HEG1: variants seen among roughly 807,000 people sequenced by gnomAD.
HEG1 encodes the protein heart development protein with EGF like domains 1.
In HEG1, 56 loss-of-function variants were observed where a neutral mutation model predicts 125.6. The observed-to-expected ratio is 0.45, with a 90% CI of 0.36 to 0.56. The LOEUF is 0.56. HEG1 is among the 20% of genes least tolerant of loss of function. HEG1 has a pLI of 0.00. For synonymous variants in HEG1, 644 were observed against 668.5 expected (o/e 0.96, Z 0.57); for missense variants, 1,523 against 1,670.0 (o/e 0.91, Z 1.53).
intron 5 of HEG1, chr3:125,014,764 C>G: frequency 7.8e-7 from 1 of 1,288,974 alleles, no homozygotes; most frequent in South Asian, 1.2e-5. Flanking sequence ...CCCATGTCGT[C>G]CGTCACGTTT....
intron 10 of HEG1, 67 bp downstream of exon 10, chr3:125,002,190 A>G (rs370912745): frequency 6.5e-7 from 1 of 1,538,062 alleles, no homozygotes; most frequent in African/African-American, 1.4e-5. Context: ...TGTTGCTATC[A>G]CCCATGTTAG....
At chr3:124,987,858 C>T (rs758987023) in intron 14 of HEG1, among the ~76,000 whole-genome samples, 35 of 149,662 alleles carry the variant, frequency 2.3e-4, no homozygotes, top group Middle Eastern at 3.4e-3. Context: ...GGATCAGGTC[C>T]GCAGGCTTGT....
intron 8 of HEG1, among the ~76,000 whole-genome samples, chr3:125,006,200 A>G (rs944166471): frequency 6.6e-5 from 10 of 152,348 alleles, no homozygotes; most frequent in Admixed American, 6.5e-4. Context: ...TATAAGCCAC[A>G]TAATGAAAAC....
chr3:125,014,629 C>A, intron 5 of HEG1: 1 of 1,108,832 alleles, frequency 9.0e-7, no homozygotes, highest in South Asian at 1.8e-5. Context: ...GGCTTGACAG[C>A]TAACTGAATC....
In HEG1 at chr3:125,045,339, C is replaced by T. The variant is rs964356580; in HGVS notation, c.316+10236G>A. On this transcript the variant is annotated intron_variant, in intron 1 of 16. Coordinates refer to ENST00000311127, the MANE Select transcript of HEG1 (RefSeq NM_020733.2). The stretch of plus-strand genomic sequence containing the variant: ...GGCAAAATCAGCTCAGAGATCACCC[C>T]TTCCAAGAAGTATTCCCCAGAGACA... Among the ~76,000 whole-genome samples the T allele has an allele frequency of 3.3e-5, 5 of 152,216 alleles. 1 individual carries two copies. The South Asian group carries it at 8.3e-4, about 25-fold the overall frequency.
At chr3:125,038,085 G>A (rs1054541473) in intron 1 of HEG1, among the ~76,000 whole-genome samples, 10 of 152,214 alleles carry the variant, frequency 6.6e-5, no homozygotes, top group Admixed American at 3.9e-4. Flanking sequence ...GATGACCTTG[G>A]CAGGCACTGC....
chr3:124,992,552 T>G (rs1936851793), intron 12 of HEG1, among the ~76,000 whole-genome samples: 1 of 150,806 alleles, frequency 6.6e-6, no homozygotes, highest in Non-Finnish European at 1.5e-5. Context: ...GACGTGCTAA[T>G]GGTGGGTTAT....
intron 15 of HEG1, among the ~76,000 whole-genome samples, chr3:124,976,039 G>T (rs765123215): frequency 2.0e-5 from 3 of 152,172 alleles, no homozygotes; most frequent in Non-Finnish European, 4.4e-5. Flanking sequence ...CCTAAGAGTG[G>T]AAGTGCTGGG....
chr3:124,986,850 A>G (rs1936747360), intron 14 of HEG1, among the ~76,000 whole-genome samples: 1 of 152,240 alleles, frequency 6.6e-6, no homozygotes, highest in African/African-American at 2.4e-5. Flanking sequence ...AAGAACTTAC[A>G]GAATAGTCAA....
intron 14 of HEG1, among the ~76,000 whole-genome samples, chr3:124,986,066 C>T (rs545970023): frequency 1.3e-5 from 2 of 152,366 alleles, no homozygotes; most frequent in Admixed American, 1.3e-4. Flanking sequence ...GCGTGAGCCA[C>T]TGTGCCTTGC....
intron 14 of HEG1, among the ~76,000 whole-genome samples, chr3:124,986,789 C>T (rs1936746367): frequency 6.6e-6 from 1 of 152,200 alleles, no homozygotes; most frequent in South Asian, 2.1e-4. Context: ...ATCTTGGCTA[C>T]TTCCAGAACC....
intron 14 of HEG1, among the ~76,000 whole-genome samples, chr3:124,989,795 C>T (rs909098237): frequency 6.6e-6 from 1 of 152,208 alleles, no homozygotes; most frequent in Non-Finnish European, 1.5e-5. Flanking sequence ...GTTCTCAATG[C>T]AGCCCAAATT....
intron 16 of HEG1, 188 bp from the exon 17 acceptor site, chr3:124,970,989 C>T (rs566642367): frequency 6.5e-5 from 41 of 632,692 alleles, no homozygotes; most frequent in Non-Finnish European, 1.1e-4. Context: ...CACTTTAATC[C>T]TTCCTGTCCC....
intron 2 of HEG1, among the ~76,000 whole-genome samples, chr3:125,027,742 TGGAGG>T (rs1458356213): frequency 6.6e-6 from 1 of 152,172 alleles, no homozygotes; most frequent in East Asian, 1.9e-4. Flanking sequence ...AGGAGCTCAC[TGGAGG>T]TAAGTATCAG....
chr3:125,027,168 T>C lies in HEG1; in HGVS notation c.913+37A>G, dbSNP rs779404836. The C allele has an allele frequency of 9.9e-6, 15 of 1,509,718 alleles. No individual in the cohort carries two copies. The African/African-American group carries it at 1.8e-4, about 18-fold the overall frequency. 93.5% of individuals were successfully genotyped at this position (1,509,718 alleles called of 1,614,324 possible). A position where few individuals can be genotyped will look rare whatever the true frequency, so the allele number is the denominator to read the frequency against. ...CACATTGATTTATGTCTACTTTGAG[T>C]GACTTCCGAGTGTTAAGCTGGGTAT... is the stretch of plus-strand genomic sequence containing the variant. On this transcript the variant is annotated intron_variant, in intron 3 of 16. Transcript: ENST00000311127.
chr3:125,003,977 A>T (rs1357324062), intron 9 of HEG1, among the ~76,000 whole-genome samples: 1 of 152,158 alleles, frequency 6.6e-6, no homozygotes, highest in African/African-American at 2.4e-5. Context: ...GATCTTGGGG[A>T]TGCCTGAACT....
chr3:124,994,565 G>A (rs1936887654), intron 12 of HEG1, among the ~76,000 whole-genome samples: 1 of 151,792 alleles, frequency 6.6e-6, no homozygotes, highest in African/African-American at 2.4e-5. Context: ...GAGTGCAGTG[G>A]CGGGATCTCA....
chr3:124,973,666 C>G, intron 16 of HEG1, 65 bp downstream of exon 16: 1 of 1,315,936 alleles, frequency 7.6e-7, no homozygotes, highest in Non-Finnish European at 1.1e-6. Context: ...TACAACAAAA[C>G]AGAATTCCTT....
At chr3:125,039,476 C>T (rs1173844098) in intron 1 of HEG1, among the ~76,000 whole-genome samples, 1 of 152,154 alleles carries the variant, frequency 6.6e-6, no homozygotes, top group African/African-American at 2.4e-5. Context: ...ACACCTCAGC[C>T]TCAACCCCCG....
Sources: allele counts gnomAD v4.1 joint callset (sites outside exome capture counted in the v4.1 genomes callset), GRCh38; gene constraint gnomAD v4.1.1; transcripts MANE v1.5; gene names NCBI Gene and HGNC (gene_info 2026-07-23, HGNC 2026-07-21).